Variants in GPR158 observed in about 807,000 individuals in gnomAD.
GPR158 encodes the protein metabotropic glycine receptor.
A neutral mutation model predicts 78.2 loss-of-function variants in GPR158; 30 were observed. That is an observed-to-expected ratio of 0.38 (90% CI 0.29 to 0.52). GPR158 has a LOEUF of 0.52. Ranked by LOEUF, GPR158 falls within the 20% of genes least tolerant of loss-of-function variation. The probability of loss-of-function intolerance (pLI) is 0.83; values close to 1 mark genes in which losing one functional copy is unlikely to be tolerated. For missense variants in GPR158, 1,463 were observed against 1,523.5 expected, an observed-to-expected ratio of 0.96 and a Z score of 0.66; for synonymous variants, 581 against 591.1, an observed-to-expected ratio of 0.98 and a Z score of 0.25.
intron 5 of GPR158, among the ~76,000 whole-genome samples, chr10:25,514,570 C>T (rs1156909802): frequency 6.6e-6 from 1 of 151,984 alleles, no homozygotes; most frequent in Admixed American, 6.6e-5. Context: ...TGTTTGTTGC[C>T]CGAATACCTT....
chr10:25,485,005 A>G (rs1292000618), intron 5 of GPR158, among the ~76,000 whole-genome samples: 1 of 152,130 alleles, frequency 6.6e-6, no homozygotes, highest in Non-Finnish European at 1.5e-5. Context: ...GCAGACGACT[A>G]ATACTGTGAT....
At chr10:25,328,694 A>G (rs2130488739) in intron 2 of GPR158, among the ~76,000 whole-genome samples, 1 of 152,176 alleles carries the variant, frequency 6.6e-6, no homozygotes, top group African/African-American at 2.4e-5. Flanking sequence ...TGGAAGGCCA[A>G]GGCAGGTGGA....
At chr10:25,581,958 G>A (rs1308240896) in intron 7 of GPR158, among the ~76,000 whole-genome samples, 1 of 152,130 alleles carries the variant, frequency 6.6e-6, no homozygotes, top group African/African-American at 2.4e-5. Context: ...CATGGTGGAA[G>A]GTGAAAGGCA....
At chr10:25,548,547 T>C (rs1227932701) in intron 5 of GPR158, among the ~76,000 whole-genome samples, 1 of 152,210 alleles carries the variant, frequency 6.6e-6, no homozygotes. Flanking sequence ...TGAAGTATTT[T>C]GTTGCTGTGC....
At chr10:25,404,518 C>T (rs1021873435) in intron 3 of GPR158, among the ~76,000 whole-genome samples, 6 of 152,082 alleles carry the variant, frequency 3.9e-5, no homozygotes, top group African/African-American at 1.4e-4. Flanking sequence ...CAGTTTTCAA[C>T]CTTATGTCTA....
chr10:25,236,291 C>T (rs1853523888), intron 2 of GPR158, among the ~76,000 whole-genome samples: 1 of 151,986 alleles, frequency 6.6e-6, no homozygotes, highest in African/African-American at 2.4e-5. Flanking sequence ...TGATCATGAG[C>T]TCAGGAGATC....
At chr10:25,540,825 G>C (rs1385362866) in intron 5 of GPR158, among the ~76,000 whole-genome samples, 5 of 151,876 alleles carry the variant, frequency 3.3e-5, no homozygotes, top group African/African-American at 7.3e-5. Flanking sequence ...ATAGCATTAA[G>C]AGATATACCT....
intron 2 of GPR158, among the ~76,000 whole-genome samples, chr10:25,302,239 T>A (rs1274932500): frequency 1.7e-4 from 1 of 5,738 alleles, no homozygotes; most frequent in Admixed American, 6.4e-4. Flanking sequence ...GCCTGGCTAA[T>A]TTTTTTTTTT....
chr10:25,334,645 T>G (rs1313362429), intron 2 of GPR158, among the ~76,000 whole-genome samples: 3 of 152,062 alleles, frequency 2.0e-5, no homozygotes, highest in African/African-American at 7.2e-5. Context: ...TAGTTATGAT[T>G]GTTACAGAAT....
At chr10:25,249,220 A>G (rs1000910916) in intron 2 of GPR158, among the ~76,000 whole-genome samples, 19 of 152,190 alleles carry the variant, frequency 1.2e-4, no homozygotes, top group African/African-American at 2.2e-4. Flanking sequence ...GGCTGAGACA[A>G]TGGGGTTTTC....
At chr10:25,185,097 C>T (rs1425009530) in intron 1 of GPR158, among the ~76,000 whole-genome samples, 1 of 152,194 alleles carries the variant, frequency 6.6e-6, no homozygotes, top group Non-Finnish European at 1.5e-5. Flanking sequence ...CAGACATTGC[C>T]AAATATCCCC....
At chr10:25,288,355 A>G (rs905165587) in intron 2 of GPR158, among the ~76,000 whole-genome samples, 13 of 152,226 alleles carry the variant, frequency 8.5e-5, no homozygotes, top group Admixed American at 7.9e-4. Flanking sequence ...TTATTTTACA[A>G]GTGAGAAATT....
At chr10:25,474,604 A>G (rs2130628106) in intron 5 of GPR158, among the ~76,000 whole-genome samples, 1 of 152,250 alleles carries the variant, frequency 6.6e-6, no homozygotes, top group East Asian at 1.9e-4. Context: ...TACGCATTCA[A>G]AAGTCTGATT....
intron 5 of GPR158, among the ~76,000 whole-genome samples, chr10:25,540,015 C>T (rs2130701860): frequency 6.6e-6 from 1 of 152,246 alleles, no homozygotes; most frequent in Non-Finnish European, 1.5e-5. Flanking sequence ...AGGCAACCTA[C>T]AGAATGGGAG....
intron 3 of GPR158, 64 bp downstream of exon 3, chr10:25,396,077 AT>A (rs1299918784): frequency 1.9e-5 from 13 of 698,344 alleles, no homozygotes; most frequent in Non-Finnish European, 2.5e-6. Flanking sequence ...TATTACGAAG[AT>A]TTTCTTTTAT....
chr10:25,593,720 AT>A, intron 8 of GPR158, among the ~76,000 whole-genome samples: 1 of 152,064 alleles, frequency 6.6e-6, no homozygotes, highest in Non-Finnish European at 1.5e-5. Context: ...ATTTTAAATT[AT>A]TTTAGACAAT....
intron 2 of GPR158, among the ~76,000 whole-genome samples, chr10:25,366,151 TTTTG>T (rs1157183085): frequency 4.7e-4 from 71 of 151,778 alleles, no homozygotes; most frequent in Non-Finnish European, 5.9e-5. Flanking sequence ...TTGTTTTTGT[TTTTG>T]TTTTTTTGGT....
chr10:25,371,277 A>G (rs965007096), intron 2 of GPR158, among the ~76,000 whole-genome samples: 5 of 151,688 alleles, frequency 3.3e-5, no homozygotes, highest in Non-Finnish European at 7.4e-5. Context: ...TGGTCTTTAC[A>G]TGTTGGAATG....
intron 1 of GPR158, among the ~76,000 whole-genome samples, chr10:25,179,370 G>T (rs1234595624): frequency 6.6e-6 from 1 of 152,080 alleles, no homozygotes; most frequent in Non-Finnish European, 1.5e-5. Context: ...TGGTTTACTT[G>T]TGAAGGAGAA....
Sources: gnomAD v4.1 joint callset for allele counts (sites outside exome capture counted in the v4.1 genomes callset) on GRCh38, gnomAD v4.1.1 for gene constraint, MANE v1.5 for transcripts, NCBI Gene and HGNC (gene_info 2026-07-23, HGNC 2026-07-21) for gene names.